Variants in DLG2 observed in about 807,000 individuals in gnomAD.
DLG2 encodes the protein disks large homolog 2.
Under a neutral mutation model 132.5 loss-of-function variants are expected in DLG2, and 45 were observed. The ratio of observed to expected loss-of-function variants is 0.34; its 90% CI spans 0.27 to 0.44. The LOEUF (loss-of-function observed/expected upper bound fraction) is 0.44, where lower values mean the gene tolerates loss of function less well. Among genes scored for constraint, DLG2 ranks in the 20% least tolerant of loss-of-function variants. DLG2 has a pLI of 1.00. For missense variants in DLG2, 1,045 were observed against 1,196.9 expected, an observed-to-expected ratio of 0.87 and a Z score of 1.87; for synonymous variants, 424 against 419.6, an observed-to-expected ratio of 1.01 and a Z score of -0.13.
intron 11 of DLG2, among the ~76,000 whole-genome samples, chr11:84,008,853 C>T (rs981795978): frequency 6.6e-6 from 1 of 151,006 alleles, no homozygotes; most frequent in Non-Finnish European, 1.5e-5. Context: ...ACCCAGTTGT[C>T]ATTAGGTGGA....
At chr11:84,544,114 T>G (rs2099384792) in intron 6 of DLG2, among the ~76,000 whole-genome samples, 1 of 152,196 alleles carries the variant, frequency 6.6e-6, no homozygotes, top group Non-Finnish European at 1.5e-5. Flanking sequence ...CTCCATCTGT[T>G]AACTGAAGAT....
chr11:85,492,733 G>A (rs537256553), intron 3 of DLG2, among the ~76,000 whole-genome samples: 6 of 145,796 alleles, frequency 4.1e-5, no homozygotes, highest in Non-Finnish European at 5.9e-5. Context: ...AGGTTACATG[G>A]CACACTAAAA....
At chr11:85,417,092 C>T (rs1174968844) in intron 3 of DLG2, among the ~76,000 whole-genome samples, 1 of 152,092 alleles carries the variant, frequency 6.6e-6, no homozygotes, top group Non-Finnish European at 1.5e-5. Context: ...TCATAAATAG[C>T]TCTTATTATT....
At chr11:84,981,894 G>A (rs2055808930) in intron 6 of DLG2, among the ~76,000 whole-genome samples, 1 of 152,068 alleles carries the variant, frequency 6.6e-6, no homozygotes, top group Non-Finnish European at 1.5e-5. Flanking sequence ...AAGTTTACCA[G>A]TGGCTTTCCT....
chr11:83,715,610 C>T (rs2086508867), intron 18 of DLG2, among the ~76,000 whole-genome samples: 1 of 152,130 alleles, frequency 6.6e-6, no homozygotes, highest in South Asian at 2.1e-4. Flanking sequence ...TTGATCTTGT[C>T]CCTTTCCTGC....
At position 85,338,160 on chromosome 11, in the gene DLG2, A is replaced by T. The variant is rs528259611; in HGVS notation, c.41-52795T>A. On this transcript the variant is annotated intron_variant, in intron 3 of 27. Coordinates refer to ENST00000376104, the MANE Select transcript of DLG2 (RefSeq NM_001142699.3). ...TAATAGTAGAGAATGTTTTCAATAA[A>T]TGCATCTTAAATGAAAATTATATTC... 2.0e-5 allele frequency among the ~76,000 whole-genome samples: 3 copies of T among 152,342 alleles called. No individual in the cohort carries two copies. In the East Asian group the frequency reaches 5.8e-4, roughly 29 times the overall value.
chr11:85,214,224 G>A (rs1197453023), intron 4 of DLG2, among the ~76,000 whole-genome samples: 1 of 151,996 alleles, frequency 6.6e-6, no homozygotes, highest in Non-Finnish European at 1.5e-5. Context: ...TTTCTCTATA[G>A]CTCAACTCCT....
intron 3 of DLG2, among the ~76,000 whole-genome samples, chr11:85,343,617 T>TTCTC (rs142981771): frequency 6.6e-6 from 1 of 151,286 alleles, no homozygotes; most frequent in Non-Finnish European, 1.5e-5. Flanking sequence ...TGTGCACACG[T>TTCTC]TCTCTCTCTC....
chr11:83,553,527 TG>T (rs1374607343), intron 19 of DLG2, among the ~76,000 whole-genome samples: 3 of 148,882 alleles, frequency 2.0e-5, no homozygotes, highest in Non-Finnish European at 4.5e-5. Flanking sequence ...TGTGTGTGTG[TG>T]TTTGCTGCTG....
chr11:84,901,403 C>G (rs773807104), intron 6 of DLG2, among the ~76,000 whole-genome samples: 2 of 152,078 alleles, frequency 1.3e-5, no homozygotes, highest in South Asian at 4.1e-4. Flanking sequence ...AAGTTACTCA[C>G]GCACTTTACT....
intron 16 of DLG2, among the ~76,000 whole-genome samples, chr11:83,836,706 C>T (rs1403239650): frequency 6.6e-6 from 1 of 152,162 alleles, no homozygotes; most frequent in African/African-American, 2.4e-5. Context: ...TAGAACTCTG[C>T]CTACCACTAT....
intron 9 of DLG2, among the ~76,000 whole-genome samples, chr11:84,111,769 G>C (rs868248829): frequency 6.6e-6 from 1 of 152,176 alleles, no homozygotes; most frequent in Non-Finnish European, 1.5e-5. Flanking sequence ...TAGTTGGGGA[G>C]ATGTGCCATA....
intron 21 of DLG2, among the ~76,000 whole-genome samples, chr11:83,498,581 A>G (rs2094275575): frequency 6.6e-6 from 1 of 151,848 alleles, no homozygotes; most frequent in Non-Finnish European, 1.5e-5. Flanking sequence ...TTATAGCCAT[A>G]TATGTCTATA....
chr11:85,117,032 A>C (rs2073698622), intron 5 of DLG2, among the ~76,000 whole-genome samples: 1 of 152,022 alleles, frequency 6.6e-6, no homozygotes, highest in Non-Finnish European at 1.5e-5. Flanking sequence ...TTAACCAGTG[A>C]GATAACGTGG....
At chr11:83,635,524 C>G (rs891068293) in intron 18 of DLG2, among the ~76,000 whole-genome samples, 6 of 152,142 alleles carry the variant, frequency 3.9e-5, no homozygotes, top group Non-Finnish European at 8.8e-5. Context: ...TCTCACTGCT[C>G]TCTTTCCCTA....
At chr11:83,644,733 C>A (rs565693957) in intron 18 of DLG2, among the ~76,000 whole-genome samples, 1 of 152,130 alleles carries the variant, frequency 6.6e-6, no homozygotes, top group East Asian at 1.9e-4. Context: ...AAAGAAATTT[C>A]TTTTGCTTAT....
At chr11:84,973,966 C>G (rs974433671) in intron 6 of DLG2, among the ~76,000 whole-genome samples, 1 of 152,184 alleles carries the variant, frequency 6.6e-6, no homozygotes, top group African/African-American at 2.4e-5. Flanking sequence ...GTTCAGCAAG[C>G]TGTATTTGGC....
chr11:84,061,897 A>G (rs889549141), intron 10 of DLG2, among the ~76,000 whole-genome samples: 1 of 150,858 alleles, frequency 6.6e-6, no homozygotes. Flanking sequence ...AATAGTTTTG[A>G]GAATGTAGGC....
intron 3 of DLG2, among the ~76,000 whole-genome samples, chr11:85,405,296 G>A (rs2088616794): frequency 1.3e-5 from 2 of 151,908 alleles, no homozygotes; most frequent in Non-Finnish European, 2.9e-5. Flanking sequence ...TAGTCTCTAA[G>A]GAATAAGCAA....
Sources: gnomAD v4.1 joint callset for allele counts (sites outside exome capture counted in the v4.1 genomes callset) on GRCh38, gnomAD v4.1.1 for gene constraint, MANE v1.5 for transcripts, NCBI Gene and HGNC (gene_info 2026-07-23, HGNC 2026-07-21) for gene names.